KLF8: variants seen among roughly 807,000 people sequenced by gnomAD.
KLF8 encodes the protein Krueppel-like factor 8.
KLF8 carries 10 observed loss-of-function variants against 18.2 expected under a neutral mutation model. The observed-to-expected ratio is 0.55, with a 90% confidence interval of 0.34 to 0.93. KLF8 has a LOEUF of 0.93. Ranked by LOEUF, KLF8 falls within the 40% of genes least tolerant of loss-of-function variation. KLF8 has a pLI of 0.02. For missense variants in KLF8, 264 were observed against 277.9 expected (o/e 0.95, Z 0.36); for synonymous variants, 109 against 97.3 (o/e 1.12, Z -0.71).
the KLF8 span, among the ~76,000 whole-genome samples, chrX:56,002,485 G>A: frequency 1.6e-3 from 177 of 110,248 alleles, no homozygotes; most frequent in African/African-American, 5.5e-3. Flanking sequence ...AGTAGACTGT[G>A]AGCTTCATGA....
chrX:56,050,684 CCA>C, the KLF8 span, among the ~76,000 whole-genome samples: 1 of 111,996 alleles, frequency 8.9e-6, no homozygotes. Context: ...AGATTTACTT[CCA>C]CCTATGTGGT....
chrX:56,246,504 C>G (rs1369729649), intron 1 of KLF8, among the ~76,000 whole-genome samples: 1 of 111,404 alleles, frequency 9.0e-6, no homozygotes. Context: ...TATAATTATT[C>G]CCATTTTACA....
chrX:56,133,374 TA>T, the KLF8 span, among the ~76,000 whole-genome samples: 7 of 112,045 alleles, frequency 6.2e-5, no homozygotes, highest in South Asian at 2.2e-3. Flanking sequence ...TGCAAGTAAA[TA>T]AATTTGATAC....
At chrX:56,259,191 C>G (rs1431962906) in intron 2 of KLF8, among the ~76,000 whole-genome samples, 1 of 110,186 alleles carries the variant, frequency 9.1e-6, no homozygotes, top group African/African-American at 3.3e-5. Flanking sequence ...TTCACACAGC[C>G]TAATTCTCTC....
chrX:56,068,896 A>G, the KLF8 span, among the ~76,000 whole-genome samples: 3 of 112,588 alleles, frequency 2.7e-5, no homozygotes, highest in African/African-American at 6.4e-5. Context: ...CTTATAGGCC[A>G]GCAGCCCTGC....
intron 1 of KLF8, among the ~76,000 whole-genome samples, chrX:56,240,468 A>G (rs1245783454): frequency 2.7e-5 from 3 of 112,210 alleles, no homozygotes; most frequent in African/African-American, 9.7e-5. Flanking sequence ...TGAAGTAATG[A>G]AGAGGATCAC....
chrX:56,266,249 C>T (rs1011571326), intron 3 of KLF8: 1 of 751,946 alleles, frequency 1.3e-6, no homozygotes, highest in Non-Finnish European at 1.6e-6. Flanking sequence ...TAGCTCCTGC[C>T]TCTACCAATA....
chrX:56,150,003 G>A, the KLF8 span, among the ~76,000 whole-genome samples: 1 of 111,977 alleles, frequency 8.9e-6, no homozygotes, highest in African/African-American at 3.2e-5. Flanking sequence ...TAAGCACTGG[G>A]TTCACCAAAT....
chrX:56,162,067 A>G, the KLF8 span, among the ~76,000 whole-genome samples: 71 of 112,036 alleles, frequency 6.3e-4, no homozygotes, highest in African/African-American at 2.2e-3. Flanking sequence ...TATCAGCAGC[A>G]GAGGCTGCAG....
chrX:56,158,926 G>C, the KLF8 span, among the ~76,000 whole-genome samples: 1 of 111,490 alleles, frequency 9.0e-6, no homozygotes, highest in Non-Finnish European at 1.9e-5. Flanking sequence ...ACACTATGTT[G>C]AATAGGAGTG....
the KLF8 span, among the ~76,000 whole-genome samples, chrX:56,137,335 G>A: frequency 0.11 from 12,038 of 105,827 alleles, 1,429 homozygotes; most frequent in African/African-American, 0.34. Flanking sequence ...ATTCACAATA[G>A]CAAAGACTTG....
At chrX:56,139,137 G>A in the KLF8 span, among the ~76,000 whole-genome samples, 1 of 111,691 alleles carries the variant, frequency 9.0e-6, no homozygotes, top group African/African-American at 3.3e-5. Context: ...ACAAAACACT[G>A]CTGAAAGAAA....
the KLF8 span, among the ~76,000 whole-genome samples, chrX:56,193,436 G>C: frequency 9.0e-6 from 1 of 111,438 alleles, no homozygotes; most frequent in Admixed American, 9.6e-5. Context: ...TAAAAATAGT[G>C]TTGCCATATG....
At chrX:55,948,522 C>T in the KLF8 span, among the ~76,000 whole-genome samples, 4 of 112,071 alleles carry the variant, frequency 3.6e-5, no homozygotes, top group Non-Finnish European at 7.5e-5. Flanking sequence ...ACAGTTGTTA[C>T]ATATCATACC....
the KLF8 span, among the ~76,000 whole-genome samples, chrX:55,952,548 C>T: frequency 8.9e-6 from 1 of 112,268 alleles, no homozygotes; most frequent in Admixed American, 9.5e-5. Context: ...GTTGTCACAT[C>T]TTCTCTGACT....
chrX:55,919,712 A>G, the KLF8 span, among the ~76,000 whole-genome samples: 2 of 111,352 alleles, frequency 1.8e-5, no homozygotes, highest in Admixed American at 1.9e-4. Context: ...TACAGCAGCC[A>G]CAGCAAGCCC....
At chrX:56,126,637 A>G in the KLF8 span, among the ~76,000 whole-genome samples, 74 of 105,737 alleles carry the variant, frequency 7.0e-4, no homozygotes, top group African/African-American at 2.6e-3. Flanking sequence ...CCACTCACTC[A>G]CTCTATTCAA....
chrX:56,249,729 C>A (rs1369656122), intron 1 of KLF8, among the ~76,000 whole-genome samples: 1 of 111,612 alleles, frequency 9.0e-6, no homozygotes, highest in African/African-American at 3.3e-5. Context: ...AATTAAGACA[C>A]TAATTCCTTT....
chrX:56,152,908 T>G, the KLF8 span, among the ~76,000 whole-genome samples: 1 of 112,118 alleles, frequency 8.9e-6, no homozygotes, highest in Non-Finnish European at 1.9e-5. Context: ...GTAACATGTA[T>G]GAGCTCACAT....
Sources: gnomAD v4.1 joint callset for allele counts (sites outside exome capture counted in the v4.1 genomes callset) on GRCh38, gnomAD v4.1.1 for gene constraint, MANE v1.5 for transcripts, NCBI Gene and HGNC (gene_info 2026-07-23, HGNC 2026-07-21) for gene names.